The following DLGAP4 variants were observed in gnomAD, a reference collection of about 807,000 sequenced individuals.
DLGAP4 encodes the protein DLG associated protein 4, also known as disks large-associated protein 4.
A neutral mutation model predicts 86.9 loss-of-function variants in DLGAP4; 18 were observed. The ratio of observed to expected loss-of-function variants is 0.21; its 90% confidence interval spans 0.14 to 0.31. The LOEUF is 0.31. Among genes scored for constraint, DLGAP4 ranks in the 10% least tolerant of loss-of-function variants. DLGAP4 has a pLI of 1.00. For missense variants in DLGAP4, 1,085 were observed against 1,362.6 expected, an observed-to-expected ratio of 0.80 and a Z score of 3.21; for synonymous variants, 548 against 574.3, an observed-to-expected ratio of 0.95 and a Z score of 0.65.
intron 10 of DLGAP4, among the ~76,000 whole-genome samples, chr20:36,505,423 G>T (rs1391110706): frequency 2.0e-5 from 3 of 152,104 alleles, no homozygotes; most frequent in Non-Finnish European, 4.4e-5. Flanking sequence ...AAGCTGACTG[G>T]CAGTTTTGTG....
Position 36,393,378 on chromosome 20 carries a change from C to T in DLGAP4, c.-73+26103C>T, listed in dbSNP as rs1017977231. 3.3e-5 allele frequency among the ~76,000 whole-genome samples: 5 copies of T among 152,134 alleles called. No homozygotes were observed. The highest frequency in any genetic ancestry group is 1.2e-4 in the African/African-American group (5 of 41,406). ...GCCTAGGGTCTCCTCTTTGCTGGGC[C>T]TCAGCTTCCTCATCTGGTAAACAAT... is the stretch of plus-strand genomic sequence containing the variant. On this transcript the variant is annotated intron_variant, in intron 2 of 12. Coordinates refer to ENST00000339266, the MANE Select transcript of DLGAP4 (RefSeq NM_001365621.2). The surrounding 1 kb of genome is among the most constrained non-coding windows in gnomAD (Gnocchi z 4.4).
intron 2 of DLGAP4, among the ~76,000 whole-genome samples, chr20:36,381,688 T>A (rs539998564): frequency 1.8e-4 from 27 of 152,252 alleles, no homozygotes; most frequent in African/African-American, 6.0e-4. Context: ...TGTCCTGGGG[T>A]AAGCCCCTTC....
intron 3 of DLGAP4, among the ~76,000 whole-genome samples, chr20:36,433,471 G>C (rs747308080): frequency 2.0e-5 from 3 of 152,206 alleles, no homozygotes; most frequent in Non-Finnish European, 4.4e-5. Context: ...TGGCTCTCAA[G>C]GGTAGGGCAG....
chr20:36,516,619 T>C (rs1369510261), intron 10 of DLGAP4, among the ~76,000 whole-genome samples: 1 of 149,956 alleles, frequency 6.7e-6, no homozygotes, highest in Non-Finnish European at 1.5e-5. Flanking sequence ...TGAGCCCAGA[T>C]TGCGCCATTG....
chr20:36,401,254 G>A (rs958463134), intron 2 of DLGAP4, among the ~76,000 whole-genome samples: 4 of 152,178 alleles, frequency 2.6e-5, no homozygotes, highest in East Asian at 1.9e-4. Flanking sequence ...ACATGAGAAC[G>A]CGATCCATCT....
At chr20:36,312,940 T>G (rs2065065893) in intron 1 of DLGAP4, among the ~76,000 whole-genome samples, 2 of 152,236 alleles carry the variant, frequency 1.3e-5, no homozygotes, top group South Asian at 4.2e-4. Context: ...TGTCCCTAAC[T>G]GATTGCCTGC....
At chr20:36,409,227 G>A (rs2032415140) in intron 2 of DLGAP4, among the ~76,000 whole-genome samples, 2 of 151,738 alleles carry the variant, frequency 1.3e-5, no homozygotes, top group Non-Finnish European at 2.9e-5. Context: ...TAGTAGAGGC[G>A]GAGTTTTGCC....
At chr20:36,488,243 C>T (rs1197470852) in intron 7 of DLGAP4, among the ~76,000 whole-genome samples, 3 of 151,238 alleles carry the variant, frequency 2.0e-5, no homozygotes, top group African/African-American at 7.3e-5. Context: ...GAGGGGCCAT[C>T]GAGTAGTGGT....
At chr20:36,471,076 A>AAT (rs1191638963) in intron 7 of DLGAP4, among the ~76,000 whole-genome samples, 1 of 152,118 alleles carries the variant, frequency 6.6e-6, no homozygotes, top group Non-Finnish European at 1.5e-5. Context: ...TCATTCTGAA[A>AAT]ATGTATATAT....
intron 1 of DLGAP4, among the ~76,000 whole-genome samples, chr20:36,313,554 G>T (rs909949706): frequency 5.3e-5 from 8 of 151,432 alleles, no homozygotes; most frequent in Non-Finnish European, 7.4e-5. Context: ...GGGGTGGGGG[G>T]GGGTCACCTG....
chr20:36,471,268 C>G (rs2034650143), intron 7 of DLGAP4, among the ~76,000 whole-genome samples: 1 of 152,120 alleles, frequency 6.6e-6, no homozygotes, highest in African/African-American at 2.4e-5. Context: ...GCAGGCAGAT[C>G]ACAAAGTCAG....
chr20:36,500,442 C>T lies in DLGAP4; in HGVS notation c.2343C>T (p.Asp781=). The T allele has an allele frequency of 6.3e-7, 1 of 1,577,258 alleles. No homozygotes were observed. Residue 781 remains aspartate, a synonymous_variant, in exon 10 of 13, where the codon GAC becomes GAT. Transcript: ENST00000339266. The surrounding 1 kb of genome is among the most constrained non-coding windows in gnomAD (Gnocchi z 4.6). ...AGGCGTCCTCGCTGCCCCCACCCGA[C>T]CCCTGGCTCGAGACCTCCTCCAGCT... ...ALEASSLPPP[D]PWLETSSSSP... is the part of the protein sequence containing the mutation.
chr20:36,514,546 G>T (rs2036924117), intron 10 of DLGAP4, among the ~76,000 whole-genome samples: 1 of 152,008 alleles, frequency 6.6e-6, no homozygotes, highest in African/African-American at 2.4e-5. Flanking sequence ...AAGTAGCTGG[G>T]AACACAGGGG....
intron 7 of DLGAP4, chr20:36,461,291 C>T: frequency 5.2e-6 from 1 of 193,702 alleles, no homozygotes; most frequent in Non-Finnish European, 9.2e-6. Context: ...GGGCCGGACG[C>T]GGCGGCCCGC....
chr20:36,317,444 C>CTTTCTTTTCTTTTCT (rs1399148489), intron 1 of DLGAP4, among the ~76,000 whole-genome samples: 2 of 128,820 alleles, frequency 1.6e-5, no homozygotes, highest in Admixed American at 9.4e-5. Context: ...TTCTTTTCTC[C>CTTTCTTTTCTTTTCT]TTTCTTTTCC....
chr20:36,461,213 C>G (rs1203633306), intron 7 of DLGAP4: 8 of 151,730 alleles, frequency 5.3e-5, no homozygotes, highest in African/African-American at 1.9e-4. Context: ...ACCCCCACCC[C>G]CCCATGCTCG....
chr20:36,440,109 G>A (rs1474035700), intron 5 of DLGAP4, among the ~76,000 whole-genome samples: 1 of 152,156 alleles, frequency 6.6e-6, no homozygotes, highest in Non-Finnish European at 1.5e-5. Flanking sequence ...GTAAACACAG[G>A]CTGCCAGCGG....
At chr20:36,462,183 T>C in intron 7 of DLGAP4, 6 of 1,060,698 alleles carry the variant, frequency 5.7e-6, no homozygotes, top group Non-Finnish European at 6.8e-6. Flanking sequence ...GGTCCCAAGT[T>C]GGGGTCTTTC....
Position 36,431,972 on chromosome 20 carries a change from G to A in DLGAP4, c.255G>A (p.Glu85=). Reference sequence around the variant, plus strand: ...ACTCCCACTTCGAGGTGCCAGAGGAGAGCCCCTTCCCCAGCCATGCCCAAG... The same window carrying A: ...ACTCCCACTTCGAGGTGCCAGAGGAAAGCCCCTTCCCCAGCCATGCCCAAG... ...HYNSHFEVPE[E]SPFPSHAQAT... The change falls in exon 3 of 13, where the codon GAG becomes GAA. Residue 85 remains glutamate, a synonymous_variant. Transcript: ENST00000339266. The surrounding 1 kb of genome is among the most constrained non-coding windows in gnomAD (Gnocchi z 5.1). The A allele has an allele frequency of 6.2e-7, 1 of 1,614,186 alleles. No homozygotes were observed. Among genetic ancestry groups the A allele is most frequent in the Non-Finnish European group, 8.5e-7 (1 of 1,180,034 alleles).
Sources: allele counts gnomAD v4.1 joint callset (sites outside exome capture counted in the v4.1 genomes callset), GRCh38; gene constraint gnomAD v4.1.1; non-coding constraint Gnocchi (gnomAD v3.1); transcripts MANE v1.5; gene names NCBI Gene and HGNC (gene_info 2026-07-23, HGNC 2026-07-21).